SNX1: variants seen among roughly 807,000 people sequenced by gnomAD.
SNX1 encodes the protein sorting nexin 1, also known as sorting nexin-1.
A neutral mutation model predicts 71.8 loss-of-function variants in SNX1; 36 were observed. That is an observed-to-expected ratio of 0.50 (90% CI 0.38 to 0.66). SNX1 has a LOEUF of 0.66. Among genes scored for constraint, SNX1 ranks in the 30% least tolerant of loss-of-function variants. The pLI, the probability that SNX1 is intolerant of heterozygous loss-of-function variation, is 0.00. For synonymous variants in SNX1, 254 were observed against 240.7 expected (o/e 1.06, Z -0.51); for missense variants, 612 against 646.7 (o/e 0.95, Z 0.58).
rs1491417290 is a variant in SNX1 at position 64,129,261 on chromosome 15, A to AAG, written c.808-655_808-654insAG. On this transcript the variant is annotated intron_variant, in intron 8 of 14. Coordinates refer to ENST00000559844, the MANE Select transcript of SNX1 (RefSeq NM_003099.5). The surrounding 1 kb of genome is among the most constrained non-coding windows in gnomAD (Gnocchi z 4.4). ...AGACTCCGTCTCAAAAAAAAAAAAA[A>AAG]GAACTACTGCCATAGAGTCCTGAAC... Among the ~76,000 whole-genome samples the AAG allele has an allele frequency of 6.6e-6, 1 of 152,060 alleles. No homozygotes were observed. Among genetic ancestry groups the AAG allele is most frequent in the African/African-American group, 2.4e-5 (1 of 41,398 alleles).
chr15:64,096,393 C>A (rs916777839), intron 1 of SNX1, among the ~76,000 whole-genome samples: 1 of 152,178 alleles, frequency 6.6e-6, no homozygotes, highest in Non-Finnish European at 1.5e-5. Context: ...GTGCCTTCGT[C>A]GGCTAGCTCC....
chr15:64,118,911 T>C (rs1233522809), intron 4 of SNX1, 57 bp downstream of exon 4: 2 of 1,383,488 alleles, frequency 1.4e-6, no homozygotes, highest in Admixed American at 3.5e-5. Flanking sequence ...AAAGCATAGG[T>C]AGCTAATTTC....
rs2081284126 is a variant in SNX1 at position 64,129,330 on chromosome 15, G to A, written c.808-586G>A. 6.6e-6 allele frequency among the ~76,000 whole-genome samples: 1 copy of A among 152,086 alleles called. No individual in the cohort carries two copies. The highest frequency in any genetic ancestry group is 2.4e-5 in the African/African-American group (1 of 41,404). On this transcript the variant is annotated intron_variant, in intron 8 of 14. Transcript: ENST00000559844. The surrounding 1 kb of genome is among the most constrained non-coding windows in gnomAD (Gnocchi z 4.4). ...AGCATAGTGTGCTGTATATGCTATAGATTTTTCAGCGTCCTTTCCATGCCC... is the reference window on the plus strand; with the variant it reads ...AGCATAGTGTGCTGTATATGCTATAAATTTTTCAGCGTCCTTTCCATGCCC...
chr15:64,097,136 C>CTAAT (rs56051981), intron 1 of SNX1, among the ~76,000 whole-genome samples: 152,353 of 152,362 alleles, frequency 1, 76,172 homozygotes, highest in Non-Finnish European at 1. Flanking sequence ...TGGTCTGTGG[C>CTAAT]TAAAGGCCGA....
At chr15:64,114,573 G>A (rs1277957827) in intron 2 of SNX1, among the ~76,000 whole-genome samples, 1 of 152,168 alleles carries the variant, frequency 6.6e-6, no homozygotes, top group African/African-American at 2.4e-5. Flanking sequence ...ACAAGAGCTG[G>A]ACATATGGGA....
intron 1 of SNX1, among the ~76,000 whole-genome samples, chr15:64,101,411 G>A (rs1383359229): frequency 6.6e-6 from 1 of 152,126 alleles, no homozygotes; most frequent in East Asian, 1.9e-4. Flanking sequence ...GTGTCCTCAA[G>A]GTTCATCCAT....
chr15:64,106,307 A>T (rs2081021408), intron 1 of SNX1, among the ~76,000 whole-genome samples: 1 of 152,220 alleles, frequency 6.6e-6, no homozygotes, highest in Non-Finnish European at 1.5e-5. Flanking sequence ...CCAAGATAAG[A>T]ACCCCTAGTT....
chr15:64,112,680 T>G lies in SNX1; in HGVS notation c.267T>G (p.Phe89Leu). Residue 89 changes from phenylalanine to leucine, a missense_variant, in exon 2 of 15, where the codon TTT becomes TTG. Phe to Leu is a conservative substitution (Grantham distance 22, BLOSUM62 0). Transcript: ENST00000559844. ...AAGACCAAGAGCCACAGGATCTCTT[T>G]GCAGGCAAGTTTGGACTCAAAAGTT... is the stretch of plus-strand genomic sequence containing the variant. ...EEQDQEPQDL[F>L]ADATVELSLD... 6.2e-7 allele frequency: 1 copy of G among 1,609,018 alleles called. No individual in the cohort carries two copies. The highest frequency in any genetic ancestry group is 8.5e-7 in the Non-Finnish European group (1 of 1,176,502).
At chr15:64,127,888 A>G in intron 8 of SNX1, 82 bp downstream of exon 8, 1 of 969,120 alleles carries the variant, frequency 1.0e-6, no homozygotes, top group Admixed American at 1.8e-5. Context: ...AAAATATGTG[A>G]GCACTTAACA....
At chr15:64,126,904 A>T (rs2081259869) in intron 6 of SNX1, among the ~76,000 whole-genome samples, 1 of 152,012 alleles carries the variant, frequency 6.6e-6, no homozygotes, top group South Asian at 2.1e-4. Flanking sequence ...ACATCAGTTG[A>T]TGTTTGTACT....
In SNX1 at chr15:64,134,538, G is replaced by A; in HGVS notation, c.1222-126G>A. 8.9e-7 allele frequency: 1 copy of A among 1,127,512 alleles called. No individual in the cohort carries two copies. Among genetic ancestry groups the A allele is most frequent in the African/African-American group, 1.6e-5 (1 of 63,484 alleles). The allele number at this position is 1,127,512 out of a possible 1,614,324, so 69.8% of individuals were successfully genotyped here. A position where few individuals can be genotyped will look rare whatever the true frequency, so the allele number is the denominator to read the frequency against. On this transcript the variant is annotated intron_variant, in intron 11 of 14. Transcript: ENST00000559844. This position sits in a 1 kb window ranked among gnomAD's most constrained non-coding sequence, Gnocchi z 4.1. The stretch of plus-strand genomic sequence containing the variant: ...AAACTTCCCAGCTGGGCACTAACAT[G>A]TGGCTGCAGAACCTGCCCTTGCTCA...
At chr15:64,104,158 A>G (rs924543678) in intron 1 of SNX1, among the ~76,000 whole-genome samples, 42 of 152,328 alleles carry the variant, frequency 2.8e-4, no homozygotes, top group Admixed American at 2.7e-3. Flanking sequence ...CCTGAAATAC[A>G]TAAACTCATT....
At chr15:64,115,493 A>G (rs1248050851) in intron 2 of SNX1, 2 of 379,204 alleles carry the variant, frequency 5.3e-6, no homozygotes, top group South Asian at 1.9e-5. Flanking sequence ...AGAGAAAAGC[A>G]TGTTTTAATA....
Position 64,118,229 on chromosome 15 carries a change from G to A in SNX1, c.384G>A (p.Gln128=), listed in dbSNP as rs200713083. 9.3e-6 allele frequency: 15 copies of A among 1,613,420 alleles called. No individual in the cohort carries two copies. In the East Asian group the frequency reaches 3.1e-4, roughly 34 times the overall value. Residue 128 remains glutamine (Q), a synonymous_variant, in exon 3 of 15, where the codon CAG becomes CAA. Transcript: ENST00000559844. ...PQEATNSSKP[Q]PTYEELEEEE... is the part of the protein sequence containing the mutation. ...AAGCCACAAATTCTTCGAAGCCCCA[G>A]CCAACCTATGAGGAGGTGAGGATCT...
chr15:64,134,914 T>A lies in SNX1; in HGVS notation c.1365+107T>A. On this transcript the variant is annotated intron_variant, in intron 12 of 14. Transcript: ENST00000559844. The surrounding 1 kb of genome is among the most constrained non-coding windows in gnomAD (Gnocchi z 4.1). ...AACCCCACAGGGGGAAGAGCGCTGA[T>A]TGAGTCTAAAGGGCCGTGGCTGCTG... The A allele has an allele frequency of 6.9e-7, 1 of 1,444,960 alleles. No individual in the cohort carries two copies. Among genetic ancestry groups the A allele is most frequent in the Non-Finnish European group, 9.3e-7 (1 of 1,070,546 alleles). The allele number at this position is 1,444,960 out of a possible 1,614,324, so 89.5% of individuals were successfully genotyped here.
At position 64,141,686 on chromosome 15, in the gene SNX1, GTGT is replaced by G. The variant is rs2140168385; in HGVS notation, c.*4069_*4071del. 1 of 152,482 alleles carries G rather than the reference GTGT, an allele frequency of 6.6e-6. No individual in the cohort carries two copies. The highest frequency in any genetic ancestry group is 1.9e-4 in the East Asian group (1 of 5,196). 9.4% of individuals were successfully genotyped at this position (152,482 alleles called of 1,614,324 possible). ...AACGAGCAGGAGCCACATCACATGG[GTGT>G]CTGATAGGACCTGGGAGGCGCTTTC... On this transcript the variant is annotated 3_prime_UTR_variant, in exon 15 of 15. Transcript: ENST00000559844. This position sits in a 1 kb window ranked among gnomAD's most constrained non-coding sequence, Gnocchi z 5.1.
At chr15:64,133,735 A>G (rs549057396) in intron 11 of SNX1, among the ~76,000 whole-genome samples, 2 of 152,330 alleles carry the variant, frequency 1.3e-5, no homozygotes, top group Admixed American at 1.3e-4. Context: ...AACTCCGTCT[A>G]AAAAGAAAAT....
chr15:64,102,761 C>CTTTTTTTTTTTTTTTTTTTTTTTTT (rs60616312), intron 1 of SNX1, among the ~76,000 whole-genome samples: 1 of 76,408 alleles, frequency 1.3e-5, no homozygotes, highest in Admixed American at 2.0e-4. Context: ...ACCACGCCTT[C>CTTTTTTTTTTTTTTTTTTTTTTTTT]TTTTTTTTTT....
intron 12 of SNX1, among the ~76,000 whole-genome samples, chr15:64,135,259 A>G (rs962524140): frequency 4.0e-5 from 6 of 151,726 alleles, no homozygotes; most frequent in African/African-American, 1.5e-4. Context: ...CTGGGACTAC[A>G]GGCTCCTGCC....
Sources: gnomAD v4.1 joint callset for allele counts (sites outside exome capture counted in the v4.1 genomes callset) on GRCh38, gnomAD v4.1.1 for gene constraint, Gnocchi (gnomAD v3.1) non-coding constraint, MANE v1.5 for transcripts, NCBI Gene and HGNC (gene_info 2026-07-23, HGNC 2026-07-21) for gene names.